Variants in EPN2 observed in about 807,000 individuals in gnomAD.
EPN2 encodes the protein epsin-2.
In EPN2, 34 loss-of-function variants were observed where a neutral mutation model predicts 61.7. The observed-to-expected ratio is 0.55, with a 90% confidence interval of 0.42 to 0.73. EPN2 has a LOEUF of 0.73. EPN2 is among the 30% of genes least tolerant of loss of function. The pLI, the probability that EPN2 is intolerant of heterozygous loss-of-function variation, is 0.00. For synonymous variants in EPN2, 349 were observed against 353.6 expected (o/e 0.99, Z 0.15); for missense variants, 714 against 839.2 (o/e 0.85, Z 1.84).
intron 4 of EPN2, among the ~76,000 whole-genome samples, chr17:19,297,528 A>T (rs2045532135): frequency 6.6e-6 from 1 of 152,174 alleles, no homozygotes; most frequent in South Asian, 2.1e-4. Context: ...GGTAGCTGAG[A>T]CCTTGTTTTT....
intron 7 of EPN2, among the ~76,000 whole-genome samples, chr17:19,315,685 A>C (rs552375573): frequency 6.6e-6 from 1 of 152,238 alleles, no homozygotes; most frequent in African/African-American, 2.4e-5. Flanking sequence ...GGGTTTCACC[A>C]TGTTGGCTGG....
intron 1 of EPN2, among the ~76,000 whole-genome samples, chr17:19,263,302 TAGAAG>T (rs747104206): frequency 4.6e-5 from 7 of 151,078 alleles, no homozygotes; most frequent in African/African-American, 7.2e-5. Context: ...ATCAGTACTT[TAGAAG>T]AGAAGAGAAG....
rs1313493542 is a variant in EPN2 at position 19,283,429 on chromosome 17, C to G, written c.310C>G (p.Gln104Glu). ...QQCRENIFAIQTLKDFQYIDR... is the reference protein window; with the variant it reads ...QQCRENIFAIETLKDFQYIDR... ...GTGCCGGGAGAACATCTTCGCCATC[C>G]AGACCCTGAAGGACTTCCAGTACAT... Residue 104 changes from glutamine (Q) to glutamate (E), a missense_variant, in exon 3 of 11, where the codon CAG (glutamine) becomes GAG (glutamate). Physicochemically the swap from Gln to Glu is conservative, Grantham distance 29. This residue lies in a region of EPN2 where 304 missense variants were observed against 417.4 expected (regional missense o/e 0.73). Coordinates refer to ENST00000314728, the MANE Select transcript of EPN2 (RefSeq NM_014964.5). The surrounding 1 kb of genome is among the most constrained non-coding windows in gnomAD (Gnocchi z 7.0). 3.1e-6 allele frequency: 5 copies of G among 1,614,234 alleles called. No homozygotes were observed. The highest frequency in any genetic ancestry group is 4.2e-6 in the Non-Finnish European group (5 of 1,180,042).
At chr17:19,243,781 C>T (rs535273222) in intron 1 of EPN2, among the ~76,000 whole-genome samples, 3 of 152,240 alleles carry the variant, frequency 2.0e-5, no homozygotes, top group Admixed American at 6.5e-5. Flanking sequence ...TCAAGTGATC[C>T]GCTTGTCTTG....
chr17:19,325,573 A>G (rs1440961270), intron 7 of EPN2, among the ~76,000 whole-genome samples: 2 of 152,234 alleles, frequency 1.3e-5, no homozygotes, highest in Non-Finnish European at 2.9e-5. Flanking sequence ...GCAAACTTCC[A>G]TAACCTGATA....
chr17:19,323,394 T>A (rs1285699961), intron 7 of EPN2, among the ~76,000 whole-genome samples: 1 of 152,144 alleles, frequency 6.6e-6, no homozygotes, highest in Non-Finnish European at 1.5e-5. Flanking sequence ...GAGCTAATAT[T>A]TGAAAGCTGA....
chr17:19,268,490 A>C (rs2045222680), intron 1 of EPN2, among the ~76,000 whole-genome samples: 2 of 152,122 alleles, frequency 1.3e-5, no homozygotes, highest in Admixed American at 1.3e-4. Context: ...GCACTCCCAG[A>C]AGTGTTGGGA....
intron 4 of EPN2, among the ~76,000 whole-genome samples, chr17:19,295,366 A>ACACACGCGCGCGCGCG (rs147719775): frequency 7.1e-6 from 1 of 140,318 alleles, no homozygotes; most frequent in African/African-American, 2.8e-5. Flanking sequence ...ACACACACAC[A>ACACACGCGCGCGCGCG]CGCGCGTGCG....
intron 1 of EPN2, among the ~76,000 whole-genome samples, chr17:19,254,270 C>T (rs1477835083): frequency 6.6e-6 from 1 of 151,722 alleles, no homozygotes; most frequent in East Asian, 1.9e-4. Flanking sequence ...GTAAATGTAA[C>T]AGAGCTCACG....
intron 4 of EPN2, among the ~76,000 whole-genome samples, chr17:19,292,389 T>C (rs964083417): frequency 3.9e-5 from 6 of 152,176 alleles, no homozygotes; most frequent in Admixed American, 6.5e-5. Context: ...AGGAATTTGG[T>C]GGGAGATGAG....
chr17:19,247,344 A>G (rs972717552), intron 1 of EPN2, among the ~76,000 whole-genome samples: 5 of 152,214 alleles, frequency 3.3e-5, no homozygotes, highest in African/African-American at 7.2e-5. Context: ...CAAAGTTACT[A>G]TTTGTGAGAC....
At chr17:19,298,913 T>A (rs555945400) in intron 4 of EPN2, among the ~76,000 whole-genome samples, 1 of 152,202 alleles carries the variant, frequency 6.6e-6, no homozygotes, top group African/African-American at 2.4e-5. Flanking sequence ...AATAATGCTG[T>A]GGTAAACTTC....
At chr17:19,281,525 T>C (rs905372286) in intron 1 of EPN2, among the ~76,000 whole-genome samples, 2 of 152,192 alleles carry the variant, frequency 1.3e-5, no homozygotes, top group Non-Finnish European at 2.9e-5. Flanking sequence ...GATGTGCCCA[T>C]TACCCATCTG....
intron 4 of EPN2, chr17:19,307,994 A>G: frequency 1.0e-6 from 1 of 985,218 alleles, no homozygotes; most frequent in Middle Eastern, 5.2e-4. Context: ...CAGAAGCAAC[A>G]CCTAGGTGAA....
chr17:19,309,559 C>G (rs982338172), intron 4 of EPN2, among the ~76,000 whole-genome samples: 6 of 152,150 alleles, frequency 3.9e-5, no homozygotes, highest in Non-Finnish European at 8.8e-5. Context: ...TGAGTTAGTT[C>G]CTTTTTTGGA....
chr17:19,258,535 ATT>A lies in EPN2; in HGVS notation c.-294+21005_-294+21006del, dbSNP rs2045106474. 2.0e-5 allele frequency among the ~76,000 whole-genome samples: 3 copies of A among 152,116 alleles called. No homozygotes were observed. In the South Asian group the frequency reaches 6.2e-4, roughly 32 times the overall value. ...GGAAATTGGCAGTGGGTGTCAGCAT[ATT>A]CTTTCCACACAGTTTATTGCCTCTC... On this transcript the variant is annotated intron_variant, in intron 1 of 10. Transcript: ENST00000314728.
intron 1 of EPN2, among the ~76,000 whole-genome samples, chr17:19,269,449 C>T (rs529492260): frequency 5.9e-5 from 9 of 152,276 alleles, no homozygotes; most frequent in African/African-American, 1.9e-4. Flanking sequence ...GTGTTAAAGT[C>T]GGTGTGACTG....
chr17:19,283,747 A>G lies in EPN2; in HGVS notation c.595+33A>G. On this transcript the variant is annotated intron_variant, in intron 3 of 10. Transcript: ENST00000314728. This position sits in a 1 kb window ranked among gnomAD's most constrained non-coding sequence, Gnocchi z 7.0. ...ATGGAAGTGCTTCTCACCCTTTGCC[A>G]GAGCAGCAGCAATGGGTGACAGGCA... 6.8e-7 allele frequency: 1 copy of G among 1,479,298 alleles called. No individual in the cohort carries two copies. The highest frequency in any genetic ancestry group is 9.1e-7 in the Non-Finnish European group (1 of 1,102,682). The allele number at this position is 1,479,298 out of a possible 1,614,324, so 91.6% of individuals were successfully genotyped here.
Position 19,328,704 on chromosome 17 carries a change from C to T in EPN2, c.1148-7C>T, listed in dbSNP as rs868855832. ...CATTTCTGAGCCCTGACCCTGCCTT[C>T]CAACAGGTACCAAGCCAGCTGCCTC... On this transcript the variant is annotated splice_region_variant and splice_polypyrimidine_tract_variant and intron_variant, in intron 7 of 10. Coordinates refer to ENST00000314728, the MANE Select transcript of EPN2 (RefSeq NM_014964.5). The T allele has an allele frequency of 1.9e-6, 3 of 1,598,666 alleles. No individual in the cohort carries two copies. Among genetic ancestry groups the T allele is most frequent in the Middle Eastern group, 1.7e-4 (1 of 6,010 alleles).
Sources: gnomAD v4.1 joint callset for allele counts (sites outside exome capture counted in the v4.1 genomes callset) on GRCh38, gnomAD v4.1.1 for gene constraint, gnomAD v4.1.1 regional missense constraint, Gnocchi (gnomAD v3.1) non-coding constraint, MANE v1.5 for transcripts, NCBI Gene and HGNC (gene_info 2026-07-23, HGNC 2026-07-21) for gene names.